The following TANC2 variants were observed in gnomAD, a reference collection of about 807,000 sequenced individuals.
The protein encoded by TANC2 is tetratricopeptide repeat, ankyrin repeat and coiled-coil containing 2.
In TANC2, 26 loss-of-function variants were observed where a neutral mutation model predicts 210.5. That is an observed-to-expected ratio of 0.12 (90% CI 0.09 to 0.17). TANC2 has a LOEUF of 0.17. Ranked by LOEUF, TANC2 falls within the 10% of genes least tolerant of loss-of-function variation. The probability of loss-of-function intolerance (pLI) is 1.00; values close to 1 mark genes in which losing one functional copy is unlikely to be tolerated. For synonymous variants in TANC2, 931 were observed against 967.1 expected, an observed-to-expected ratio of 0.96 and a Z score of 0.69; for missense variants, 2,129 against 2,608.9, an observed-to-expected ratio of 0.82 and a Z score of 4.01.
chr17:63,195,511 G>A (rs141419509), intron 6 of TANC2, among the ~76,000 whole-genome samples: 95 of 152,212 alleles, frequency 6.2e-4, no homozygotes, highest in Middle Eastern at 3.4e-3. Context: ...CCAAGTCCAA[G>A]CCACTGTCAT....
intron 14 of TANC2, among the ~76,000 whole-genome samples, chr17:63,356,801 C>G (rs2046794606): frequency 6.6e-6 from 1 of 152,104 alleles, no homozygotes; most frequent in East Asian, 1.9e-4. Context: ...AATAATAATG[C>G]CTTTTTTCTA....
intron 2 of TANC2, among the ~76,000 whole-genome samples, chr17:63,036,845 G>GTTT (rs542320358): frequency 1.5e-5 from 2 of 133,958 alleles, no homozygotes; most frequent in Admixed American, 7.5e-5. Flanking sequence ...TTACATGTAA[G>GTTT]TTTTTTTTTT....
intron 14 of TANC2, among the ~76,000 whole-genome samples, chr17:63,373,511 T>G (rs2047333187): frequency 6.6e-6 from 1 of 152,220 alleles, no homozygotes; most frequent in African/African-American, 2.4e-5. Flanking sequence ...TAGGTTTCAG[T>G]AGAACTAGAT....
At chr17:63,166,058 G>T (rs141871790) in intron 5 of TANC2, among the ~76,000 whole-genome samples, 1 of 152,156 alleles carries the variant, frequency 6.6e-6, no homozygotes, top group Non-Finnish European at 1.5e-5. Context: ...TAGACTGGGG[G>T]CAGTTTTGTA....
At chr17:63,325,655 T>C (rs538329239) in intron 11 of TANC2, among the ~76,000 whole-genome samples, 6 of 152,236 alleles carry the variant, frequency 3.9e-5, no homozygotes, top group Non-Finnish European at 8.8e-5. Flanking sequence ...GTGCCTGATA[T>C]ACAATGGAAG....
At chr17:63,154,477 A>T (rs2039767901) in intron 5 of TANC2, 1 of 152,132 alleles carries the variant, frequency 6.6e-6, no homozygotes, top group South Asian at 2.1e-4. Context: ...AATTTCCAAA[A>T]TAAGAAAATA....
chr17:63,145,445 C>G (rs1251465451), intron 4 of TANC2, among the ~76,000 whole-genome samples: 1 of 152,140 alleles, frequency 6.6e-6, no homozygotes, highest in Non-Finnish European at 1.5e-5. Context: ...ATAGTTTTCT[C>G]TTTCCAGATA....
chr17:63,405,374 T>G (rs1482567825), intron 20 of TANC2, 119 bp downstream of exon 20: 1 of 1,171,874 alleles, frequency 8.5e-7, no homozygotes, highest in Non-Finnish European at 1.1e-6. Context: ...TGATCAGGTT[T>G]GAGGACTTGG....
chr17:63,144,967 T>A (rs1380535300), intron 4 of TANC2, among the ~76,000 whole-genome samples: 1 of 152,140 alleles, frequency 6.6e-6, no homozygotes, highest in Non-Finnish European at 1.5e-5. Flanking sequence ...TTCACCATTT[T>A]TCACTTTTAT....
intron 7 of TANC2, among the ~76,000 whole-genome samples, chr17:63,231,843 C>G (rs1317253181): frequency 6.6e-6 from 1 of 152,180 alleles, no homozygotes; most frequent in African/African-American, 2.4e-5. Flanking sequence ...GGATGATATC[C>G]TGAAGTATGT....
chr17:63,274,589 G>A (rs760429794), intron 9 of TANC2, among the ~76,000 whole-genome samples: 6 of 152,070 alleles, frequency 3.9e-5, no homozygotes, highest in Non-Finnish European at 7.4e-5. Context: ...CAAGGTGGAG[G>A]GATCACCTGA....
chr17:62,976,435 C>T (rs1383595387), intron 1 of TANC2, among the ~76,000 whole-genome samples: 1 of 150,138 alleles, frequency 6.7e-6, no homozygotes, highest in East Asian at 1.9e-4. Flanking sequence ...TCAAGGTGGA[C>T]TGCTTGGAGG....
chr17:63,236,381 A>C (rs796447690), intron 7 of TANC2, among the ~76,000 whole-genome samples: 8 of 152,230 alleles, frequency 5.3e-5, no homozygotes, highest in African/African-American at 1.7e-4. Context: ...TTCATGAAAG[A>C]AGTGAAATGA....
At chr17:63,395,423 A>G (rs147657298) in intron 17 of TANC2, among the ~76,000 whole-genome samples, 41 of 152,344 alleles carry the variant, frequency 2.7e-4, no homozygotes, top group Admixed American at 1.6e-3. Flanking sequence ...AAAATGAACT[A>G]TTTGAGGAGA....
intron 7 of TANC2, among the ~76,000 whole-genome samples, chr17:63,226,037 A>G (rs2042319827): frequency 3.3e-5 from 5 of 152,234 alleles, no homozygotes; most frequent in African/African-American, 1.2e-4. Context: ...TTGAAAATAT[A>G]GTAGACTTGC....
rs751845669 is a variant in TANC2 at position 63,009,640 on chromosome 17, C to CAATAACTA, written c.67+14_67+15insAATAACTA. The CAATAACTA allele has an allele frequency of 6.2e-7, 1 of 1,608,844 alleles. No individual in the cohort carries two copies. The highest frequency in any genetic ancestry group is 1.1e-5 in the South Asian group (1 of 90,864). On this transcript the variant is annotated intron_variant, in intron 2 of 27. Transcript: ENST00000689528. ...ACAGGTCAAGTGGTAAGTGACTATG[C>CAATAACTA]TACATTTATTGTGCGTGATATTTTA...
At chr17:63,042,905 A>G (rs1325409351) in intron 2 of TANC2, among the ~76,000 whole-genome samples, 2 of 152,084 alleles carry the variant, frequency 1.3e-5, no homozygotes, top group Non-Finnish European at 2.9e-5. Context: ...GATGGAAGAC[A>G]TAGAGTAACT....
chr17:63,267,595 G>A (rs1326053051), intron 8 of TANC2, among the ~76,000 whole-genome samples, 153 bp from the exon 9 acceptor site: 1 of 152,022 alleles, frequency 6.6e-6, no homozygotes, highest in East Asian at 1.9e-4. Context: ...ATTTTTAAAG[G>A]CATAAAATAC....
chr17:63,281,488 G>T (rs964736612), intron 9 of TANC2, among the ~76,000 whole-genome samples: 1 of 152,106 alleles, frequency 6.6e-6, no homozygotes, highest in Non-Finnish European at 1.5e-5. Flanking sequence ...GAAGCTGAAA[G>T]AACTTTTCAG....
Sources: allele counts gnomAD v4.1 joint callset (sites outside exome capture counted in the v4.1 genomes callset), GRCh38; gene constraint gnomAD v4.1.1; transcripts MANE v1.5; gene names NCBI Gene and HGNC (gene_info 2026-07-23, HGNC 2026-07-21).